Variants in NTRK2 observed in about 807,000 individuals in gnomAD.
The protein encoded by NTRK2 is BDNF/NT-3 growth factors receptor.
Under a neutral mutation model 94.5 loss-of-function variants are expected in NTRK2, and 13 were observed. The ratio of observed to expected loss-of-function variants is 0.14; its 90% CI spans 0.09 to 0.22. The LOEUF is 0.22. NTRK2 is among the 10% of genes least tolerant of loss of function. NTRK2 has a pLI of 1.00. For synonymous variants in NTRK2, 372 were observed against 407.4 expected (o/e 0.91, Z 1.05); for missense variants, 639 against 1,071.2 (o/e 0.60, Z 5.63).
chr9:84,788,170 G>A (rs866794408), intron 12 of NTRK2, among the ~76,000 whole-genome samples: 16 of 152,146 alleles, frequency 1.1e-4, no homozygotes, highest in South Asian at 2.1e-4. Flanking sequence ...ATGTTATTAC[G>A]TTGTAATTAT....
At chr9:84,724,977 A>G (rs2062342200) in intron 8 of NTRK2, among the ~76,000 whole-genome samples, 1 of 152,226 alleles carries the variant, frequency 6.6e-6, no homozygotes, top group Non-Finnish European at 1.5e-5. Context: ...GTTTTTCAGT[A>G]TTGTAACTAA....
At chr9:84,877,340 T>A (rs1316125951) in intron 14 of NTRK2, 2 of 1,066,036 alleles carry the variant, frequency 1.9e-6, no homozygotes, top group African/African-American at 1.6e-5. Flanking sequence ...AGGGCGGAGC[T>A]ATGTGAAGGG....
intron 12 of NTRK2, among the ~76,000 whole-genome samples, chr9:84,825,969 G>A (rs747125465): frequency 1.3e-5 from 2 of 152,222 alleles, no homozygotes; most frequent in African/African-American, 2.4e-5. Context: ...CCTCATAGCT[G>A]AAAGGCTGAA....
At position 84,722,125 on chromosome 9, in the gene NTRK2, A is replaced by G. The variant is rs186548086; in HGVS notation, c.584-1448A>G. ...TACACTCTGTTAATCATTGTTATAT[A>G]TTTCATTGCCCTGTATAACTCTGGC... On this transcript the variant is annotated intron_variant, in intron 6 of 18. Transcript: ENST00000277120. 7.4e-3 allele frequency among the ~76,000 whole-genome samples: 725 copies of G among 97,764 alleles called. 3 individuals are homozygous for G. Among genetic ancestry groups the G allele is most frequent in the Non-Finnish European group, 0.012 (602 of 48,218 alleles). 64.1% of individuals were successfully genotyped at this position (97,764 alleles called of 152,430 possible). A position where few individuals can be genotyped will look rare whatever the true frequency, so the allele number is the denominator to read the frequency against.
chr9:84,729,760 A>G (rs1037075566), intron 9 of NTRK2, among the ~76,000 whole-genome samples: 1 of 152,230 alleles, frequency 6.6e-6, no homozygotes, highest in Admixed American at 6.5e-5. Context: ...CTTGATTCAG[A>G]GTGAAGGTCT....
rs965765399 is a variant in NTRK2 at position 84,702,152 on chromosome 9, G to C, written c.213-7G>C. ...GTCACTGCGATTCACTCTCTGCTTT[G>C]TTACAGTTTCATCGCAAACCAGAAA... is the stretch of plus-strand genomic sequence containing the variant. On this transcript the variant is annotated splice_region_variant and splice_polypyrimidine_tract_variant and intron_variant, in intron 2 of 18. Coordinates refer to ENST00000277120, the MANE Select transcript of NTRK2 (RefSeq NM_006180.6). 19 of 1,613,154 alleles carry C rather than the reference G, an allele frequency of 1.2e-5. No individual in the cohort carries two copies. Among genetic ancestry groups the C allele is most frequent in the South Asian group, 2.2e-5 (2 of 90,966 alleles).
At chr9:84,970,098 G>C (rs1229180041) in intron 17 of NTRK2, among the ~76,000 whole-genome samples, 2 of 152,086 alleles carry the variant, frequency 1.3e-5, no homozygotes, top group Non-Finnish European at 2.9e-5. Context: ...ACTTTTAAAT[G>C]GCAATAATAG....
chr9:84,744,276 G>T (rs1318988470), intron 10 of NTRK2, among the ~76,000 whole-genome samples: 2 of 152,150 alleles, frequency 1.3e-5, no homozygotes, highest in Non-Finnish European at 2.9e-5. Context: ...TTTGCGACTT[G>T]GTGAAATGAG....
At chr9:84,912,193 A>G (rs139129299) in intron 14 of NTRK2, among the ~76,000 whole-genome samples, 4 of 152,270 alleles carry the variant, frequency 2.6e-5, no homozygotes, top group East Asian at 1.9e-4. Context: ...ATGTTCAGTA[A>G]TAAGTCTGAA....
intron 17 of NTRK2, among the ~76,000 whole-genome samples, chr9:84,984,283 G>A (rs1828018824): frequency 6.6e-6 from 1 of 152,018 alleles, no homozygotes; most frequent in Admixed American, 6.6e-5. Context: ...GGGCAGCCTG[G>A]CCAACATGAT....
intron 17 of NTRK2, among the ~76,000 whole-genome samples, chr9:85,003,441 G>A (rs1830542414): frequency 6.6e-6 from 1 of 152,170 alleles, no homozygotes; most frequent in Non-Finnish European, 1.5e-5. Flanking sequence ...AATAATTGTA[G>A]CTAGTTCTAA....
intron 17 of NTRK2, among the ~76,000 whole-genome samples, chr9:84,970,477 G>A (rs556202708): frequency 6.6e-6 from 1 of 152,232 alleles, no homozygotes; most frequent in African/African-American, 2.4e-5. Context: ...CTTAAATAGT[G>A]CCTACCTCAT....
chr9:84,694,476 T>G (rs2060239828), intron 2 of NTRK2, among the ~76,000 whole-genome samples: 1 of 152,188 alleles, frequency 6.6e-6, no homozygotes, highest in Non-Finnish European at 1.5e-5. Context: ...TTCTTTCCAT[T>G]CACGTCCTCA....
At chr9:84,994,503 C>G (rs1829492485) in intron 17 of NTRK2, among the ~76,000 whole-genome samples, 1 of 152,204 alleles carries the variant, frequency 6.6e-6, no homozygotes, top group African/African-American at 2.4e-5. Context: ...GTTCCCCAGG[C>G]AGTGCCTTTT....
chr9:84,821,815 TAGAGAGAGAGAGAG>T (rs55923826), intron 12 of NTRK2, among the ~76,000 whole-genome samples: 4,976 of 147,460 alleles, frequency 0.034, 147 homozygotes, highest in Admixed American at 0.086. Context: ...GGGAGAGAAG[TAGAGAGAGAGAGAG>T]AGAGAGAGAG....
intron 14 of NTRK2, among the ~76,000 whole-genome samples, chr9:84,920,733 T>A (rs2077539646): frequency 6.6e-6 from 1 of 152,212 alleles, no homozygotes; most frequent in African/African-American, 2.4e-5. Context: ...TTCACCGTTA[T>A]GGGTAAGAGG....
chr9:84,959,092 T>C (rs1178309398), intron 17 of NTRK2, among the ~76,000 whole-genome samples: 2 of 152,214 alleles, frequency 1.3e-5, no homozygotes, highest in Non-Finnish European at 2.9e-5. Flanking sequence ...GTGTTCTCCT[T>C]ATGATTCAGG....
chr9:84,935,481 G>A (rs148320240), intron 15 of NTRK2, among the ~76,000 whole-genome samples: 1 of 152,296 alleles, frequency 6.6e-6, no homozygotes, highest in African/African-American at 2.4e-5. Context: ...AACCAAGGTG[G>A]CATGATACTC....
chr9:84,742,489 G>A (rs1418844620), intron 10 of NTRK2, among the ~76,000 whole-genome samples: 1 of 152,114 alleles, frequency 6.6e-6, no homozygotes, highest in Non-Finnish European at 1.5e-5. Context: ...TGGCGGGGGA[G>A]CTGCTGCCAT....
Sources: allele counts gnomAD v4.1 joint callset (sites outside exome capture counted in the v4.1 genomes callset), GRCh38; gene constraint gnomAD v4.1.1; transcripts MANE v1.5; gene names NCBI Gene and HGNC (gene_info 2026-07-23, HGNC 2026-07-21).